The following PCDH9 variants were observed in gnomAD, a reference collection of about 807,000 sequenced individuals.
PCDH9 encodes the protein protocadherin 9.
PCDH9 carries 24 observed loss-of-function variants against 70.6 expected under a neutral mutation model. The ratio of observed to expected loss-of-function variants is 0.34; its 90% confidence interval spans 0.25 to 0.48. The LOEUF is 0.48. Ranked by LOEUF, PCDH9 falls within the 20% of genes least tolerant of loss-of-function variation. The probability of loss-of-function intolerance (pLI) is 0.99; values close to 1 mark genes in which losing one functional copy is unlikely to be tolerated. For missense variants in PCDH9, 1,281 were observed against 1,503.6 expected (o/e 0.85, Z 2.45); for synonymous variants, 562 against 558.5 (o/e 1.01, Z -0.09).
chr13:66,305,419 A>C (rs1955448692), intron 4 of PCDH9, among the ~76,000 whole-genome samples: 1 of 152,062 alleles, frequency 6.6e-6, no homozygotes, highest in African/African-American at 2.4e-5. Context: ...ATAAATTATA[A>C]AAAGTAGAAC....
intron 2 of PCDH9, among the ~76,000 whole-genome samples, chr13:67,097,075 A>C (rs1390835530): frequency 2.1e-5 from 3 of 143,338 alleles, no homozygotes; most frequent in East Asian, 4.3e-4. Flanking sequence ...GTGAAACCCT[A>C]TCTCTACAGA....
intron 2 of PCDH9, among the ~76,000 whole-genome samples, chr13:66,952,289 G>A (rs749566978): frequency 4.6e-5 from 7 of 152,092 alleles, no homozygotes; most frequent in Non-Finnish European, 8.8e-5. Context: ...TCAACCTCCT[G>A]CATCTACAGC....
chr13:66,660,274 A>G (rs567267055), intron 3 of PCDH9, among the ~76,000 whole-genome samples: 19 of 152,350 alleles, frequency 1.2e-4, no homozygotes, highest in Middle Eastern at 6.8e-3. Flanking sequence ...GACTACTCAC[A>G]GTATATGGTG....
intron 2 of PCDH9, among the ~76,000 whole-genome samples, chr13:66,925,955 T>C (rs1189270486): frequency 6.6e-6 from 1 of 152,022 alleles, no homozygotes; most frequent in Non-Finnish European, 1.5e-5. Context: ...ATTATTTTGT[T>C]TCCTAAAGCA....
chr13:66,811,603 C>A (rs2080506579), intron 3 of PCDH9, among the ~76,000 whole-genome samples: 1 of 148,902 alleles, frequency 6.7e-6, no homozygotes, highest in Non-Finnish European at 1.5e-5. Context: ...TCCTTCCTAC[C>A]TGTCTGCCTG....
At chr13:66,867,821 AATCCTTTTTTTT>A (rs909978816) in intron 3 of PCDH9, among the ~76,000 whole-genome samples, 1 of 151,966 alleles carries the variant, frequency 6.6e-6, no homozygotes, top group Non-Finnish European at 1.5e-5. Context: ...TTTTGAAAAA[AATCCTTTTTTTT>A]ATCCTTCTGT....
intron 3 of PCDH9, among the ~76,000 whole-genome samples, chr13:66,778,076 G>C (rs1278142522): frequency 6.9e-6 from 1 of 144,860 alleles, no homozygotes; most frequent in Non-Finnish European, 1.5e-5. Context: ...GGTGGGAATT[G>C]AACAATGAGA....
chr13:67,166,600 G>A (rs1176088138), intron 2 of PCDH9, among the ~76,000 whole-genome samples: 1 of 152,144 alleles, frequency 6.6e-6, no homozygotes, highest in Non-Finnish European at 1.5e-5. Context: ...AAATGAAAGT[G>A]TCCGGTTATT....
At chr13:67,120,838 C>G (rs1293797436) in intron 2 of PCDH9, among the ~76,000 whole-genome samples, 1 of 151,156 alleles carries the variant, frequency 6.6e-6, no homozygotes, top group Non-Finnish European at 1.5e-5. Context: ...TGATGGAAAA[C>G]ATGTTGATTT....
At chr13:66,462,104 A>G (rs185599739) in intron 4 of PCDH9, among the ~76,000 whole-genome samples, 4 of 151,794 alleles carry the variant, frequency 2.6e-5, no homozygotes, top group African/African-American at 9.7e-5. Flanking sequence ...TGATAGGAAT[A>G]TTTACACTAT....
intron 4 of PCDH9, among the ~76,000 whole-genome samples, chr13:66,332,648 C>A (rs1295905239): frequency 6.6e-6 from 1 of 151,866 alleles, no homozygotes; most frequent in Admixed American, 6.6e-5. Flanking sequence ...TGAGGTCTAG[C>A]CTCTCAGAGG....
intron 3 of PCDH9, among the ~76,000 whole-genome samples, chr13:66,893,518 C>A (rs1366621520): frequency 5.3e-5 from 8 of 152,078 alleles, no homozygotes; most frequent in Non-Finnish European, 1.2e-4. Context: ...GGAGATTTTA[C>A]CTTTAGTTTA....
chr13:66,696,324 A>T (rs1490931164), intron 3 of PCDH9, among the ~76,000 whole-genome samples: 1 of 152,238 alleles, frequency 6.6e-6, no homozygotes, highest in East Asian at 1.9e-4. Context: ...TCATTGATGT[A>T]CTTTTCTAAT....
At chr13:67,171,377 C>T (rs996474865) in intron 2 of PCDH9, among the ~76,000 whole-genome samples, 1 of 152,124 alleles carries the variant, frequency 6.6e-6, no homozygotes, top group South Asian at 2.1e-4. Context: ...ACAGCAGATG[C>T]TTTTGGAGGA....
chr13:67,051,108 A>T (rs2085313128), intron 2 of PCDH9, among the ~76,000 whole-genome samples: 1 of 152,162 alleles, frequency 6.6e-6, no homozygotes, highest in Non-Finnish European at 1.5e-5. Context: ...TAATGTTTAG[A>T]AATTCCATAA....
chr13:67,081,033 T>A (rs564734632), intron 2 of PCDH9, among the ~76,000 whole-genome samples: 1 of 152,304 alleles, frequency 6.6e-6, no homozygotes, highest in East Asian at 1.9e-4. Flanking sequence ...GAAGGTGCTT[T>A]TAAATTAAGG....
chr13:67,095,432 G>A (rs925903331), intron 2 of PCDH9, among the ~76,000 whole-genome samples: 2 of 152,024 alleles, frequency 1.3e-5, no homozygotes, highest in Non-Finnish European at 2.9e-5. Context: ...CAGTTCATAC[G>A]TTTATGTGGG....
chr13:66,671,221 C>A (rs1347074103), intron 3 of PCDH9, among the ~76,000 whole-genome samples: 5 of 152,112 alleles, frequency 3.3e-5, no homozygotes, highest in Non-Finnish European at 5.9e-5. Context: ...AACTGTGAGT[C>A]CATTAAACCT....
chr13:66,811,775 C>A (rs2080512025), intron 3 of PCDH9, among the ~76,000 whole-genome samples: 1 of 151,146 alleles, frequency 6.6e-6, no homozygotes, highest in African/African-American at 2.4e-5. Context: ...CTCTCTCTCT[C>A]TCTCTTTTCC....
Sources: allele counts gnomAD v4.1 joint callset (sites outside exome capture counted in the v4.1 genomes callset), GRCh38; gene constraint gnomAD v4.1.1; transcripts MANE v1.5; gene names NCBI Gene and HGNC (gene_info 2026-07-23, HGNC 2026-07-21).